ASAP1: variants seen among roughly 807,000 people sequenced by gnomAD.
ASAP1 encodes the protein ArfGAP with SH3 domain, ankyrin repeat and PH domain 1.
ASAP1 carries 43 observed loss-of-function variants against 145.2 expected under a neutral mutation model. That is an observed-to-expected ratio of 0.30 (90% CI 0.23 to 0.38). The LOEUF (loss-of-function observed/expected upper bound fraction) is 0.38, where lower values mean the gene tolerates loss of function less well. Among genes scored for constraint, ASAP1 ranks in the 10% least tolerant of loss-of-function variants. ASAP1 has a pLI of 1.00. For missense variants in ASAP1, 1,018 were observed against 1,355.3 expected (o/e 0.75, Z 3.91); for synonymous variants, 546 against 515.5 (o/e 1.06, Z -0.80).
At chr8:130,090,121 C>T (rs1564946449) in intron 25 of ASAP1, among the ~76,000 whole-genome samples, 2 of 152,096 alleles carry the variant, frequency 1.3e-5, no homozygotes, top group Admixed American at 6.5e-5. Context: ...GGGGGAAAAA[C>T]GGCCAGCTGC....
intron 1 of ASAP1, among the ~76,000 whole-genome samples, chr8:130,441,014 C>T (rs1233965105): frequency 2.6e-5 from 4 of 152,202 alleles, no homozygotes; most frequent in African/African-American, 4.8e-5. Context: ...CTATTTCGTC[C>T]ACCACTGTAT....
chr8:130,116,717 G>C lies in ASAP1; in HGVS notation c.2025C>G (p.Asp675Glu). The C allele has an allele frequency of 6.2e-7, 1 of 1,614,008 alleles. No individual in the cohort carries two copies. Among genetic ancestry groups the C allele is most frequent in the Non-Finnish European group, 8.5e-7 (1 of 1,179,976 alleles). Reference sequence around the variant, plus strand: ...GGGTAGCTTTTAGTCTCTTTGCTATGTCTAGGGCAGTTTCTCCAGCCTGGT... The same window carrying C: ...GGGTAGCTTTTAGTCTCTTTGCTATCTCTAGGGCAGTTTCTCCAGCCTGGT... Reference protein sequence around the residue: ...IVNQAGETALDIAKRLKATQC... With the variant: ...IVNQAGETALEIAKRLKATQC... The change falls in exon 22 of 30, where the codon GAC becomes GAG. Residue 675 changes from aspartate to glutamate, a missense_variant. This residue lies in a region of ASAP1 where 353 missense variants were observed against 375.4 expected (regional missense o/e 0.94). Transcript: ENST00000518721.
intron 2 of ASAP1, among the ~76,000 whole-genome samples, chr8:130,393,288 A>G (rs72724488): frequency 0.068 from 10,410 of 152,292 alleles, 365 homozygotes; most frequent in Middle Eastern, 0.13. Flanking sequence ...GATGGTGAAC[A>G]GTGCTAAACA....
In ASAP1 at chr8:130,261,465, G is replaced by T. The variant is rs145384550; in HGVS notation, c.187-24471C>A. 1.0e-3 allele frequency among the ~76,000 whole-genome samples: 156 copies of T among 152,278 alleles called. 1 individual carries two copies. Among genetic ancestry groups the T allele is most frequent in the Middle Eastern group, 0.01 (3 of 294 alleles). On this transcript the variant is annotated intron_variant, in intron 3 of 29. Coordinates refer to ENST00000518721, the MANE Select transcript of ASAP1 (RefSeq NM_018482.4). Reference sequence around the variant, plus strand: ...TAGGTTTGAAAAGGACTAGAAGGGAGATGTAGGGTGGTGGGAGGCTCGGAA... The same window carrying T: ...TAGGTTTGAAAAGGACTAGAAGGGATATGTAGGGTGGTGGGAGGCTCGGAA...
intron 3 of ASAP1, among the ~76,000 whole-genome samples, chr8:130,253,534 T>C (rs1488700986): frequency 2.0e-5 from 3 of 152,194 alleles, no homozygotes; most frequent in Non-Finnish European, 4.4e-5. Context: ...AAGCCTTCCA[T>C]TGAACAAGCT....
At chr8:130,322,960 T>C (rs1027649016) in intron 3 of ASAP1, among the ~76,000 whole-genome samples, 8 of 152,196 alleles carry the variant, frequency 5.3e-5, no homozygotes. Context: ...ACCAGTTCTA[T>C]CCAGGCTTTG....
At chr8:130,287,847 A>G (rs561999549) in intron 3 of ASAP1, among the ~76,000 whole-genome samples, 1 of 152,276 alleles carries the variant, frequency 6.6e-6, no homozygotes, top group East Asian at 1.9e-4. Context: ...CTTCCCACTC[A>G]GTCTAGCATA....
intron 13 of ASAP1, among the ~76,000 whole-genome samples, chr8:130,145,086 G>C (rs1248856280): frequency 2.6e-5 from 4 of 152,172 alleles, no homozygotes; most frequent in Non-Finnish European, 4.4e-5. Context: ...GAATGTGCTA[G>C]ATAGTCATCC....
At chr8:130,364,975 CCAAA>C (rs755353297) in intron 2 of ASAP1, among the ~76,000 whole-genome samples, 8 of 152,218 alleles carry the variant, frequency 5.3e-5, no homozygotes, top group East Asian at 1.9e-4. Context: ...AAAACAAATG[CCAAA>C]CAAACAAACA....
intron 2 of ASAP1, among the ~76,000 whole-genome samples, chr8:130,389,430 C>G (rs1226786232): frequency 6.6e-6 from 1 of 152,182 alleles, no homozygotes; most frequent in African/African-American, 2.4e-5. Context: ...CCAGAGGTGC[C>G]TGTTGGTCTG....
At chr8:130,164,432 A>C (rs1252593021) in intron 11 of ASAP1, among the ~76,000 whole-genome samples, 1 of 152,106 alleles carries the variant, frequency 6.6e-6, no homozygotes, top group African/African-American at 2.4e-5. Flanking sequence ...CTCTACTAAA[A>C]ACATAAAAAT....
chr8:130,198,758 AC>A (rs1312531372), intron 5 of ASAP1, among the ~76,000 whole-genome samples: 1 of 152,148 alleles, frequency 6.6e-6, no homozygotes, highest in Non-Finnish European at 1.5e-5. Context: ...TAAGGTTTTT[AC>A]TGACTCCAAA....
intron 9 of ASAP1, among the ~76,000 whole-genome samples, chr8:130,172,202 A>G (rs968947969): frequency 6.6e-6 from 1 of 152,348 alleles, no homozygotes; most frequent in Middle Eastern, 3.4e-3. Flanking sequence ...GAGCTGCATA[A>G]CTTTATCATA....
In ASAP1 at chr8:130,228,674, C is replaced by A. The variant is rs182186026; in HGVS notation, c.259+8248G>T. ...CAAGATCATGCCATCGCACTCCAGC[C>A]TGGGCAACAGAGTGAGACCCTGTCT... On this transcript the variant is annotated intron_variant, in intron 4 of 29. Transcript: ENST00000518721. Among the ~76,000 whole-genome samples, 14 of 149,298 alleles carry A rather than the reference C, an allele frequency of 9.4e-5. No homozygotes were observed. The East Asian group carries it at 2.4e-3, about 25-fold the overall frequency.
chr8:130,138,999 C>T (rs1165275997), intron 13 of ASAP1, among the ~76,000 whole-genome samples: 2 of 152,144 alleles, frequency 1.3e-5, no homozygotes, highest in African/African-American at 4.8e-5. Context: ...TGCTGACTTT[C>T]TCATATAAAT....
chr8:130,092,729 C>T (rs1592781180), intron 24 of ASAP1, among the ~76,000 whole-genome samples: 1 of 152,054 alleles, frequency 6.6e-6, no homozygotes, highest in East Asian at 1.9e-4. Context: ...AACACACACA[C>T]ACATCTTAAA....
chr8:130,153,413 A>C (rs1454499356), intron 12 of ASAP1, among the ~76,000 whole-genome samples: 1 of 146,176 alleles, frequency 6.8e-6, no homozygotes, highest in Non-Finnish European at 1.5e-5. Context: ...TCTGACATCC[A>C]GGCTAGAGTA....
At chr8:130,265,573 TA>T (rs79247144) in intron 3 of ASAP1, among the ~76,000 whole-genome samples, 3,030 of 119,458 alleles carry the variant, frequency 0.025, 62 homozygotes, top group Admixed American at 0.075. Context: ...ACCCTGTCTT[TA>T]AAAAAAAAAA....
intron 5 of ASAP1, among the ~76,000 whole-genome samples, chr8:130,189,416 ACTTAT>A (rs1814979660): frequency 6.6e-6 from 1 of 152,142 alleles, no homozygotes; most frequent in African/African-American, 2.4e-5. Flanking sequence ...AACATGCAAT[ACTTAT>A]CTTTCTGTAC....
Sources: gnomAD v4.1 joint callset for allele counts (sites outside exome capture counted in the v4.1 genomes callset) on GRCh38, gnomAD v4.1.1 for gene constraint, gnomAD v4.1.1 regional missense constraint, MANE v1.5 for transcripts, NCBI Gene and HGNC (gene_info 2026-07-23, HGNC 2026-07-21) for gene names.